STS: variants seen among roughly 807,000 people sequenced by gnomAD.
STS encodes steryl-sulfatase.
STS carries 7 observed loss-of-function variants against 26.8 expected under a neutral mutation model. The ratio of observed to expected loss-of-function variants is 0.26; its 90% CI spans 0.15 to 0.49. STS has a LOEUF of 0.49. Among genes scored for constraint, STS ranks in the 20% least tolerant of loss-of-function variants. The probability of loss-of-function intolerance (pLI) is 0.98; values close to 1 mark genes in which losing one functional copy is unlikely to be tolerated. For synonymous variants in STS, 199 were observed against 189.4 expected, an observed-to-expected ratio of 1.05 and a Z score of -0.42; for missense variants, 434 against 465.6, an observed-to-expected ratio of 0.93 and a Z score of 0.63.
intron 9 of STS, among the ~76,000 whole-genome samples, chrX:7,326,455 A>G (rs988279094): frequency 9.0e-6 from 1 of 110,997 alleles, no homozygotes. Flanking sequence ...TTGACCTCCA[A>G]CTTTGGGATC....
intron 1 of STS, among the ~76,000 whole-genome samples, chrX:7,173,710 CAT>C (rs1355384120): frequency 8.9e-6 from 1 of 112,284 alleles, no homozygotes; most frequent in African/African-American, 3.2e-5. Flanking sequence ...AGCTTTTTGT[CAT>C]ATGTTTCCTG....
intron 8 of STS, among the ~76,000 whole-genome samples, chrX:7,324,587 A>G (rs1217202011): frequency 9.0e-6 from 1 of 111,365 alleles, no homozygotes; most frequent in Non-Finnish European, 1.9e-5. Context: ...TTGGTATCTT[A>G]TGGCTACAAA....
rs186582029 is a variant in STS, at chrX:7,252,379, C to T, written c.-4-817C>T. ...TCAGGCTACCACACTGCACACCTAC[C>T]TGCTACCTTCCGGGGAACCAAGCCA... On this transcript the variant is annotated intron_variant, in intron 2 of 10. Transcript: ENST00000674429. 3,015 of 607,882 alleles carry T rather than the reference C, an allele frequency of 5.0e-3. 3 individuals carry two copies. The highest frequency in any genetic ancestry group is 5.6e-3 in the Non-Finnish European group (2,864 of 506,996). 50.1% of individuals were successfully genotyped at this position (607,882 alleles called of 1,213,427 possible).
intron 9 of STS, among the ~76,000 whole-genome samples, chrX:7,326,811 C>T (rs1021100604): frequency 8.9e-6 from 1 of 111,765 alleles, no homozygotes; most frequent in Non-Finnish European, 1.9e-5. Context: ...AAAACAGCCA[C>T]GCTGCCAAAG....
At position 7,352,463 on chromosome X, in the gene STS, C is replaced by T. The variant is rs1049804122; in HGVS notation, c.*2202C>T. 1 of 112,074 alleles carries T rather than the reference C, an allele frequency of 8.9e-6. No individual in the cohort carries two copies. The highest frequency in any genetic ancestry group is 3.7e-4 in the South Asian group (1 of 2,726). 9.2% of individuals were successfully genotyped at this position (112,074 alleles called of 1,213,427 possible). The stretch of plus-strand genomic sequence containing the variant: ...ATTTCAGGACATTTGGAAATCAGGT[C>T]GATTTGTGGTAACTGTAGTCATCTT... On this transcript the variant is annotated 3_prime_UTR_variant, in exon 11 of 11. Transcript: ENST00000674429.
At position 7,350,417 on chromosome X, in the gene STS, C is replaced by A; in HGVS notation, c.*156C>A. Reference sequence around the variant, plus strand: ...CCTGAAGGCTTGGGCCAGAGCTCAACAGCTACTCAACTGGAGGGGTGAGGG... The same window carrying A: ...CCTGAAGGCTTGGGCCAGAGCTCAAAAGCTACTCAACTGGAGGGGTGAGGG... On this transcript the variant is annotated 3_prime_UTR_variant, in exon 11 of 11. Coordinates refer to ENST00000674429, the MANE Select transcript of STS (RefSeq NM_001320752.2). The A allele has an allele frequency of 1.3e-6, 1 of 753,139 alleles. No individual in the cohort carries two copies. The highest frequency in any genetic ancestry group is 2.9e-5 in the Admixed American group (1 of 34,407). 62.1% of individuals were successfully genotyped at this position (753,139 alleles called of 1,213,427 possible). A position where few individuals can be genotyped will look rare whatever the true frequency, so the allele number is the denominator to read the frequency against.
intron 2 of STS, among the ~76,000 whole-genome samples, chrX:7,207,110 A>G (rs1920955832): frequency 8.9e-6 from 1 of 111,771 alleles, no homozygotes; most frequent in Non-Finnish European, 1.9e-5. Flanking sequence ...GGATCCCTCA[A>G]GCCTGGGAGG....
chrX:7,343,387 T>C (rs1376038368), intron 10 of STS, among the ~76,000 whole-genome samples: 1 of 112,495 alleles, frequency 8.9e-6, no homozygotes, highest in Non-Finnish European at 1.9e-5. Context: ...AGATGGAAAC[T>C]GAATTGTTTC....
At chrX:7,273,576 G>A (rs1191456277) in intron 6 of STS, among the ~76,000 whole-genome samples, 14 of 111,925 alleles carry the variant, frequency 1.3e-4, no homozygotes, top group South Asian at 7.5e-4. Context: ...GAACAATCTA[G>A]ACAGACAGGC....
chrX:7,189,994 A>G (rs1933843437), intron 1 of STS, among the ~76,000 whole-genome samples: 1 of 110,316 alleles, frequency 9.1e-6, no homozygotes, highest in Admixed American at 9.8e-5. Flanking sequence ...GCAGTCCCCA[A>G]CCTTTTTGGC....
chrX:7,291,549 T>A (rs1925417982), intron 7 of STS, among the ~76,000 whole-genome samples: 1 of 112,442 alleles, frequency 8.9e-6, no homozygotes, highest in African/African-American at 3.2e-5. Context: ...AAACCTCTGC[T>A]GTTTCTGGCG....
intron 6 of STS, among the ~76,000 whole-genome samples, chrX:7,264,089 C>T (rs779049671): frequency 9.0e-6 from 1 of 111,644 alleles, no homozygotes; most frequent in South Asian, 3.7e-4. Flanking sequence ...CAGGCACTTG[C>T]TGGAGGGGTT....
intron 7 of STS, among the ~76,000 whole-genome samples, chrX:7,278,636 A>G (rs1924656056): frequency 8.9e-6 from 1 of 112,320 alleles, no homozygotes; most frequent in African/African-American, 3.2e-5. Context: ...AACTAGAGAA[A>G]GACTGACTTC....
rs145182722 is a variant in STS, at chrX:7,348,401, G to A, written c.1364-1487G>A. On this transcript the variant is annotated intron_variant, in intron 10 of 10. Coordinates refer to ENST00000674429, the MANE Select transcript of STS (RefSeq NM_001320752.2). ...AAATGATCGGGATGACTTACACAGG[G>A]GTGGAGGGCTTCCTAGGAGGAATGC... is the stretch of plus-strand genomic sequence containing the variant. Among the ~76,000 whole-genome samples, 645 of 112,239 alleles carry A rather than the reference G, an allele frequency of 5.7e-3. 2 individuals carry two copies. Among genetic ancestry groups the A allele is most frequent in the African/African-American group, 0.02 (616 of 30,899 alleles).
At chrX:7,211,292 G>A (rs764034284) in intron 2 of STS, among the ~76,000 whole-genome samples, 47 of 111,762 alleles carry the variant, frequency 4.2e-4, no homozygotes, top group Non-Finnish European at 7.0e-4. Context: ...TCAGGGGATC[G>A]CCAGGATGAA....
intron 6 of STS, among the ~76,000 whole-genome samples, chrX:7,272,920 GA>G (rs1569208778): frequency 1.8e-5 from 2 of 111,705 alleles, no homozygotes; most frequent in Non-Finnish European, 3.8e-5. Context: ...GCTGAGGCAG[GA>G]GGATCACCTG....
chrX:7,303,877 C>T (rs779886040), intron 7 of STS, among the ~76,000 whole-genome samples: 152 of 111,560 alleles, frequency 1.4e-3, no homozygotes, highest in African/African-American at 4.5e-3. Flanking sequence ...ACAGTTAAAC[C>T]TCCATATGCC....
At chrX:7,290,796 T>G (rs1925378108) in intron 7 of STS, among the ~76,000 whole-genome samples, 1 of 111,943 alleles carries the variant, frequency 8.9e-6, no homozygotes, top group Admixed American at 9.5e-5. Flanking sequence ...CTCTGTAAAA[T>G]GAGATCATTT....
chrX:7,203,287 A>G (rs1934107819), intron 2 of STS, among the ~76,000 whole-genome samples: 1 of 112,355 alleles, frequency 8.9e-6, no homozygotes, highest in Non-Finnish European at 1.9e-5. Flanking sequence ...ATTTCTCTGC[A>G]ACAGGTATTT....
Sources: gnomAD v4.1 joint callset for allele counts (sites outside exome capture counted in the v4.1 genomes callset) on GRCh38, gnomAD v4.1.1 for gene constraint, MANE v1.5 for transcripts, NCBI Gene and HGNC (gene_info 2026-07-23, HGNC 2026-07-21) for gene names.